GIGYF2: variants seen among roughly 807,000 people sequenced by gnomAD.
GIGYF2 encodes GRB10 interacting GYF protein 2.
Under a neutral mutation model 208.1 loss-of-function variants are expected in GIGYF2, and 25 were observed. That is an observed-to-expected ratio of 0.12 (90% CI 0.09 to 0.17). The LOEUF (loss-of-function observed/expected upper bound fraction) is 0.17, where lower values mean the gene tolerates loss of function less well. Ranked by LOEUF, GIGYF2 falls within the 10% of genes least tolerant of loss-of-function variation. GIGYF2 has a pLI of 1.00. For synonymous variants in GIGYF2, 534 were observed against 543.8 expected, an observed-to-expected ratio of 0.98 and a Z score of 0.25; for missense variants, 1,302 against 1,579.4, an observed-to-expected ratio of 0.82 and a Z score of 2.98.
At chr2:232,809,507 ATCTTTTGTAATATTGACACCAC>A (rs1488272468) in intron 15 of GIGYF2, among the ~76,000 whole-genome samples, 191 bp from the exon 16 acceptor site, 12 of 152,310 alleles carry the variant, frequency 7.9e-5, no homozygotes, top group Admixed American at 7.8e-4. Flanking sequence ...ACCTTAGGGA[ATCTTTTGTAATATTGACACCAC>A]TGTTTCCACT....
intron 6 of GIGYF2, among the ~76,000 whole-genome samples, chr2:232,757,318 T>G (rs1424135413): frequency 6.7e-6 from 1 of 149,712 alleles, no homozygotes; most frequent in Non-Finnish European, 1.5e-5. Flanking sequence ...TACATAGTTG[T>G]GTTTTTCCCT....
intron 22 of GIGYF2, among the ~76,000 whole-genome samples, chr2:232,834,083 A>G (rs1379983380): frequency 6.6e-6 from 1 of 152,100 alleles, no homozygotes; most frequent in African/African-American, 2.4e-5. Context: ...GACTGAGAAG[A>G]TAGTGGAACT....
chr2:232,744,888 G>A (rs532145213), intron 3 of GIGYF2, among the ~76,000 whole-genome samples: 6 of 152,180 alleles, frequency 3.9e-5, no homozygotes, highest in East Asian at 1.9e-4. Flanking sequence ...TCTGCTGCCC[G>A]TGACTGTGGA....
intron 2 of GIGYF2, among the ~76,000 whole-genome samples, chr2:232,709,940 A>AT (rs1425097418): frequency 6.6e-6 from 1 of 151,158 alleles, no homozygotes; most frequent in Non-Finnish European, 1.5e-5. Context: ...GCTCCAGCTG[A>AT]TTTTTACAAA....
chr2:232,757,305 T>TATTA (rs1698587850), intron 6 of GIGYF2, among the ~76,000 whole-genome samples: 1 of 150,772 alleles, frequency 6.6e-6, no homozygotes, highest in Non-Finnish European at 1.5e-5. Flanking sequence ...TGCTAGGTAC[T>TATTA]ATTACATAGT....
intron 6 of GIGYF2, among the ~76,000 whole-genome samples, chr2:232,759,965 AC>A (rs1336918759): frequency 6.6e-6 from 1 of 152,102 alleles, no homozygotes; most frequent in Non-Finnish European, 1.5e-5. Context: ...TCTGTAATAT[AC>A]CCTGTATGGC....
chr2:232,711,705 G>GTGTATATATATATA (rs147184549), intron 2 of GIGYF2, among the ~76,000 whole-genome samples: 4 of 115,762 alleles, frequency 3.5e-5, no homozygotes, highest in East Asian at 5.0e-4. Flanking sequence ...TCACAATGAT[G>GTGTATATATATATA]TATATATATA....
At chr2:232,829,433 A>G (rs1462705438) in intron 21 of GIGYF2, among the ~76,000 whole-genome samples, 2 of 152,228 alleles carry the variant, frequency 1.3e-5, no homozygotes, top group Non-Finnish European at 2.9e-5. Flanking sequence ...ATGGTAGATG[A>G]TAGAGATTAT....
chr2:232,780,770 G>A (rs1403444631), intron 8 of GIGYF2, among the ~76,000 whole-genome samples: 2 of 152,158 alleles, frequency 1.3e-5, no homozygotes, highest in African/African-American at 2.4e-5. Context: ...CTTTGTCATG[G>A]TGCTGACGTT....
At chr2:232,759,046 T>G (rs1237016702) in intron 6 of GIGYF2, among the ~76,000 whole-genome samples, 2 of 152,174 alleles carry the variant, frequency 1.3e-5, no homozygotes, top group Non-Finnish European at 2.9e-5. Flanking sequence ...AAGTGGATAC[T>G]TGCACTCGTC....
intron 3 of GIGYF2, among the ~76,000 whole-genome samples, chr2:232,741,970 C>T (rs530035356): frequency 5.9e-5 from 9 of 152,184 alleles, no homozygotes; most frequent in East Asian, 3.9e-4. Context: ...TCCCTTCCTC[C>T]GACTCTCTTT....
chr2:232,792,218 A>T (rs1382527332), intron 12 of GIGYF2, among the ~76,000 whole-genome samples: 3 of 152,126 alleles, frequency 2.0e-5, no homozygotes, highest in African/African-American at 7.2e-5. Flanking sequence ...GTACCTTAGC[A>T]CATCCTTTTC....
intron 2 of GIGYF2, chr2:232,729,672 G>T: frequency 1.1e-6 from 1 of 876,260 alleles, no homozygotes; most frequent in Non-Finnish European, 1.9e-6. Flanking sequence ...ACTTGAACTA[G>T]TTTAGATGAG....
At chr2:232,784,604 T>TCTC (rs1574881276) in intron 8 of GIGYF2, among the ~76,000 whole-genome samples, 3 of 137,034 alleles carry the variant, frequency 2.2e-5, no homozygotes, top group South Asian at 2.8e-4. Context: ...GTTAGCTTGA[T>TCTC]CTGACCTCGT....
At chr2:232,842,764 T>G (rs1350770757) in intron 23 of GIGYF2, among the ~76,000 whole-genome samples, 1 of 152,020 alleles carries the variant, frequency 6.6e-6, no homozygotes, top group Non-Finnish European at 1.5e-5. Context: ...TGGTACCTAC[T>G]TATAGGTGTG....
At chr2:232,814,858 T>G (rs1022407377) in intron 18 of GIGYF2, among the ~76,000 whole-genome samples, 2 of 152,236 alleles carry the variant, frequency 1.3e-5, no homozygotes, top group African/African-American at 4.8e-5. Flanking sequence ...CCATTGGTTT[T>G]ATACAGACAA....
In GIGYF2 at chr2:232,771,336, A is replaced by T. The variant is rs143726189; in HGVS notation, c.532+9900A>T. 31 of 1,612,844 alleles carry T rather than the reference A, an allele frequency of 1.9e-5. No homozygotes were observed. The highest frequency in any genetic ancestry group is 3.3e-5 in the Admixed American group (2 of 59,854). ...GGTATCTTTGACTTAGGAGAGGAGC[A>T]ATAACTTTGCAATTACTGCTGTCCA... On this transcript the variant is annotated intron_variant, in intron 8 of 28. Coordinates refer to ENST00000373563, the MANE Select transcript of GIGYF2 (RefSeq NM_001103146.3).
chr2:232,808,331 C>T (rs375154622), intron 15 of GIGYF2, among the ~76,000 whole-genome samples: 1 of 152,204 alleles, frequency 6.6e-6, no homozygotes. Context: ...AAAAGCTCAT[C>T]TCTTGGATCT....
In GIGYF2 at chr2:232,832,945, C is replaced by G; in HGVS notation, c.2618C>G (p.Ala873Gly). Residue 873 changes from alanine (A) to glycine (G), a missense_variant, in exon 22 of 29, where the codon GCC becomes GGC. Physicochemically the swap from Ala to Gly is moderately conservative, Grantham distance 60. Around this residue, in one of 8 missense-constraint regions of GIGYF2, gnomAD observed 701 missense variants for 793.0 expected, o/e 0.88. Coordinates refer to ENST00000373563, the MANE Select transcript of GIGYF2 (RefSeq NM_001103146.3). ...ENRLRMEEEA[A>G]RLRHEEEERK... ...CGGCTGCGGATGGAAGAGGAGGCAG[C>G]CAGACTCCGGCATGAGGAAGAAGAA... 6.4e-7 allele frequency: 1 copy of G among 1,569,564 alleles called. No homozygotes were observed. Among genetic ancestry groups the G allele is most frequent in the Non-Finnish European group, 8.6e-7 (1 of 1,157,282 alleles).
Sources: gnomAD v4.1 joint callset for allele counts (sites outside exome capture counted in the v4.1 genomes callset) on GRCh38, gnomAD v4.1.1 for gene constraint, gnomAD v4.1.1 regional missense constraint, MANE v1.5 for transcripts, NCBI Gene and HGNC (gene_info 2026-07-23, HGNC 2026-07-21) for gene names.